The following METAP2 variants were observed in gnomAD, a reference collection of about 807,000 sequenced individuals.
The protein encoded by METAP2 is methionine aminopeptidase 2.
A neutral mutation model predicts 59.4 loss-of-function variants in METAP2; 25 were observed. The observed-to-expected ratio is 0.42, with a 90% CI of 0.31 to 0.59. METAP2 has a LOEUF of 0.59. METAP2 is among the 20% of genes least tolerant of loss of function. METAP2 has a pLI of 0.16. For missense variants in METAP2, 366 were observed against 581.2 expected (o/e 0.63, Z 3.81); for synonymous variants, 214 against 194.1 (o/e 1.10, Z -0.85).
chr12:95,477,143 G>A (rs112688516), intron 2 of METAP2, among the ~76,000 whole-genome samples: 13,209 of 151,374 alleles, frequency 0.087, 811 homozygotes, highest in African/African-American at 0.17. Context: ...TCGCTCTGTC[G>A]CACAGGCTGG....
chr12:95,484,141 ATGTC>A (rs1052605799), intron 3 of METAP2, among the ~76,000 whole-genome samples: 1 of 152,048 alleles, frequency 6.6e-6, no homozygotes, highest in Non-Finnish European at 1.5e-5. Context: ...AGACCACTGA[ATGTC>A]TGGTTATGCC....
At chr12:95,485,792 A>G (rs1431389379) in intron 3 of METAP2, 87 bp from the exon 4 acceptor site, 1 of 858,556 alleles carries the variant, frequency 1.2e-6, no homozygotes, top group Non-Finnish European at 1.7e-6. Context: ...CAGAACATAT[A>G]ACAACCATTA....
chr12:95,503,051 G>GT (rs2076328651), intron 7 of METAP2, among the ~76,000 whole-genome samples: 1 of 150,494 alleles, frequency 6.6e-6, no homozygotes, highest in Admixed American at 6.6e-5. Flanking sequence ...CTGCCATCAG[G>GT]TGTTTTTTCA....
chr12:95,493,686 T>C (rs941860853), intron 4 of METAP2, among the ~76,000 whole-genome samples: 1 of 152,246 alleles, frequency 6.6e-6, no homozygotes, highest in Non-Finnish European at 1.5e-5. Context: ...GTTGTGCTCC[T>C]TTGAAGTGTC....
At chr12:95,498,494 G>A (rs922747439) in intron 7 of METAP2, among the ~76,000 whole-genome samples, 3 of 152,142 alleles carry the variant, frequency 2.0e-5, no homozygotes, top group African/African-American at 7.2e-5. Context: ...GTCATATCCA[G>A]TAAATCATTG....
intron 10 of METAP2, among the ~76,000 whole-genome samples, chr12:95,513,187 GCTAGCATTC>G (rs2140169599): frequency 6.7e-6 from 1 of 149,886 alleles, no homozygotes; most frequent in South Asian, 2.1e-4. Context: ...AGATTATTTT[GCTAGCATTC>G]CTAGGTTTTT....
Position 95,504,129 on chromosome 12 carries a change from A to G in METAP2, c.932A>G (p.Tyr311Cys), listed in dbSNP as rs756891923. The change falls in exon 8 of 11, where the codon TAT becomes TGT. Residue 311 changes from tyrosine to cysteine, a missense_variant. Tyr to Cys is a radical substitution (Grantham distance 194). Coordinates refer to ENST00000323666, the MANE Select transcript of METAP2 (RefSeq NM_006838.4). ...GEAIQEVMES[Y>C]EVEIDGKTYQ... ...GCCATCCAAGAAGTTATGGAGTCCT[A>G]TGAAGTTGAAATAGATGGGAAGACA... The G allele has an allele frequency of 1.2e-6, 2 of 1,612,030 alleles. No homozygotes were observed. Among genetic ancestry groups the G allele is most frequent in the Admixed American group, 1.7e-5 (1 of 59,990 alleles).
At chr12:95,494,808 A>G (rs950645352) in intron 5 of METAP2, 149 bp from the exon 6 acceptor site, 2 of 533,070 alleles carry the variant, frequency 3.8e-6, no homozygotes, top group African/African-American at 3.8e-5. Flanking sequence ...GAGAACTGTT[A>G]TTTATTTATA....
At chr12:95,495,825 A>G (rs1461720116) in intron 6 of METAP2, among the ~76,000 whole-genome samples, 179 bp from the exon 7 acceptor site, 1 of 152,094 alleles carries the variant, frequency 6.6e-6, no homozygotes. Flanking sequence ...AATCCTTTAT[A>G]TACTTCTACA....
At position 95,513,968 on chromosome 12, in the gene METAP2, A is replaced by C. The variant is rs201442091; in HGVS notation, c.*64A>C. The C allele has an allele frequency of 2.9e-5, 44 of 1,517,726 alleles. No individual in the cohort carries two copies. The highest frequency in any genetic ancestry group is 3.7e-5 in the Non-Finnish European group (42 of 1,124,688). The allele number at this position is 1,517,726 out of a possible 1,614,324, so 94.0% of individuals were successfully genotyped here. Reference sequence around the variant, plus strand: ...GCTTTGTTGGAAAACATGATACCAGAATTAATTTGCCACATGTTGTCTGTT... The same window carrying C: ...GCTTTGTTGGAAAACATGATACCAGCATTAATTTGCCACATGTTGTCTGTT... On this transcript the variant is annotated 3_prime_UTR_variant, in exon 11 of 11. Transcript: ENST00000323666.
At chr12:95,493,951 T>C in intron 4 of METAP2, 105 bp from the exon 5 acceptor site, 1 of 906,468 alleles carries the variant, frequency 1.1e-6, no homozygotes, top group Non-Finnish European at 1.6e-6. Context: ...AAACTGAATA[T>C]GTACTGTATT....
chr12:95,511,359 TTTCTTTC>T (rs1231123905), intron 8 of METAP2, among the ~76,000 whole-genome samples: 1 of 151,738 alleles, frequency 6.6e-6, no homozygotes, highest in Non-Finnish European at 1.5e-5. Context: ...TAATCCTGTA[TTTCTTTC>T]TTCCATCCTC....
Position 95,495,131 on chromosome 12 carries a change from T to C in METAP2, c.765T>C (p.His255=), listed in dbSNP as rs200367789. Residue 255 remains histidine (H), a synonymous_variant, in exon 6 of 11, where the codon CAT becomes CAC. Coordinates refer to ENST00000323666, the MANE Select transcript of METAP2 (RefSeq NM_006838.4). ...DDICKIDFGT[H]ISGRIIDCAF... ...TCTGTAAAATAGACTTTGGAACACATATAAGTGGTAAATTCTTGCAGAAAA... is the reference window on the plus strand; with the variant it reads ...TCTGTAAAATAGACTTTGGAACACACATAAGTGGTAAATTCTTGCAGAAAA... 3 of 1,604,110 alleles carry C rather than the reference T, an allele frequency of 1.9e-6. No homozygotes were observed. Among genetic ancestry groups the C allele is most frequent in the Non-Finnish European group, 2.6e-6 (3 of 1,174,332 alleles).
chr12:95,492,039 C>T (rs2076241257), intron 4 of METAP2, among the ~76,000 whole-genome samples: 1 of 152,050 alleles, frequency 6.6e-6, no homozygotes, highest in Non-Finnish European at 1.5e-5. Flanking sequence ...AACTTCTGGG[C>T]TCAAACAGTC....
At chr12:95,500,267 CTTGG>C (rs1311425197) in intron 7 of METAP2, among the ~76,000 whole-genome samples, 1 of 151,670 alleles carries the variant, frequency 6.6e-6, no homozygotes, top group Non-Finnish European at 1.5e-5. Flanking sequence ...GTATCTTGTA[CTTGG>C]TTGAATTAAT....
rs756282441 is a variant in METAP2 at position 95,495,171 on chromosome 12, T to G, written c.772+33T>G. ...CTTGCAGAAAATTCCTACCCCAGCC[T>G]CCTCCTGAAAAACTAGTTTTTGTCT... On this transcript the variant is annotated intron_variant, in intron 6 of 10. Transcript: ENST00000323666. The G allele has an allele frequency of 2.6e-6, 4 of 1,553,040 alleles. No individual in the cohort carries two copies. In the South Asian group the frequency reaches 3.5e-5, roughly 14 times the overall value.
At chr12:95,486,983 C>T (rs1236923378) in intron 4 of METAP2, among the ~76,000 whole-genome samples, 1 of 152,106 alleles carries the variant, frequency 6.6e-6, no homozygotes, top group East Asian at 1.9e-4. Context: ...CATTTGAATC[C>T]CAGTTCTGAC....
chr12:95,509,847 C>CTTTTTTTTTTTT (rs1210964780), intron 8 of METAP2, among the ~76,000 whole-genome samples: 2 of 131,634 alleles, frequency 1.5e-5, no homozygotes. Context: ...CCCCCCCAAC[C>CTTTTTTTTTTTT]TTTTTTTTTT....
rs1428240277 is a variant in METAP2, at chr12:95,476,076, G to T, written c.157G>T (p.Glu53Ter). The T allele has an allele frequency of 6.2e-7, 1 of 1,601,702 alleles. No homozygotes were observed. Among genetic ancestry groups the T allele is most frequent in the Non-Finnish European group, 8.5e-7 (1 of 1,172,080 alleles). ...KKSKGPSAAG[E>*]QEPDKESGAS... ...TGCTATTTTATTTTGATCAGCAGGG[G>T]AACAGGAACCTGATAAAGAATCAGG... Residue 53 changes from glutamate (E) to a stop codon, truncating the protein, a stop_gained, in exon 2 of 11, where the codon GAA (glutamate) becomes TAA (stop). Coordinates refer to ENST00000323666, the MANE Select transcript of METAP2 (RefSeq NM_006838.4). LOFTEE classifies it high-confidence loss of function.
Sources: allele counts gnomAD v4.1 joint callset (sites outside exome capture counted in the v4.1 genomes callset), GRCh38; gene constraint gnomAD v4.1.1; transcripts MANE v1.5; gene names NCBI Gene and HGNC (gene_info 2026-07-23, HGNC 2026-07-21).